GRIN3A: variants seen among roughly 807,000 people sequenced by gnomAD.
GRIN3A encodes glutamate receptor ionotropic, NMDA 3A.
Under a neutral mutation model 92.4 loss-of-function variants are expected in GRIN3A, and 47 were observed. That is an observed-to-expected ratio of 0.51 (90% CI 0.40 to 0.65). The LOEUF is 0.65. GRIN3A is among the 30% of genes least tolerant of loss of function. The pLI, the probability that GRIN3A is intolerant of heterozygous loss-of-function variation, is 0.00. For synonymous variants in GRIN3A, 527 were observed against 540.6 expected (o/e 0.97, Z 0.35); for missense variants, 1,324 against 1,393.1 (o/e 0.95, Z 0.79).
In GRIN3A at chr9:101,721,936, A is replaced by G. The variant is rs542330276; in HGVS notation, c.699+15345T>C. 3.3e-5 allele frequency among the ~76,000 whole-genome samples: 5 copies of G among 152,340 alleles called. No individual in the cohort carries two copies. In the East Asian group the frequency reaches 7.7e-4, roughly 24 times the overall value. ...GGAAAAGAAAAATCCATTTTTGGGGAGAAATCCAAGCTGGCTGCAGAAATT... is the reference window on the plus strand; with the variant it reads ...GGAAAAGAAAAATCCATTTTTGGGGGGAAATCCAAGCTGGCTGCAGAAATT... On this transcript the variant is annotated intron_variant, in intron 1 of 8. Transcript: ENST00000361820.
At chr9:101,717,241 T>C (rs188562091) in intron 1 of GRIN3A, among the ~76,000 whole-genome samples, 1,927 of 152,328 alleles carry the variant, frequency 0.013, 56 homozygotes, top group Admixed American at 0.062. Flanking sequence ...GATTTTTTTT[T>C]CCCAGGTGGT....
At chr9:101,577,919 T>G in intron 7 of GRIN3A, 75 bp from the exon 8 acceptor site, 1 of 1,043,652 alleles carries the variant, frequency 9.6e-7, no homozygotes, top group Admixed American at 1.7e-5. Context: ...CCACTTGAGA[T>G]GTAACAGTAT....
At chr9:101,649,933 TG>T (rs1828991859) in intron 3 of GRIN3A, among the ~76,000 whole-genome samples, 1 of 152,054 alleles carries the variant, frequency 6.6e-6, no homozygotes, top group Non-Finnish European at 1.5e-5. Flanking sequence ...CTAATATGGC[TG>T]AACCACCTGG....
intron 3 of GRIN3A, among the ~76,000 whole-genome samples, chr9:101,644,819 C>A (rs978886678): frequency 2.6e-5 from 4 of 151,590 alleles, no homozygotes; most frequent in Non-Finnish European, 5.9e-5. Context: ...TTCTCTATAC[C>A]CCCATTTTCT....
chr9:101,648,357 G>T (rs1412303597), intron 3 of GRIN3A, among the ~76,000 whole-genome samples: 1 of 151,886 alleles, frequency 6.6e-6, no homozygotes, highest in Non-Finnish European at 1.5e-5. Flanking sequence ...CTAAAATTTT[G>T]TTGACTTGTT....
chr9:101,663,132 A>C (rs1026540620), intron 3 of GRIN3A, among the ~76,000 whole-genome samples: 4 of 151,806 alleles, frequency 2.6e-5, no homozygotes, highest in Non-Finnish European at 5.9e-5. Flanking sequence ...CTGCAGCCCC[A>C]TCCCCCTAAA....
chr9:101,582,503 C>G (rs1164680232), intron 6 of GRIN3A, among the ~76,000 whole-genome samples: 1 of 152,114 alleles, frequency 6.6e-6, no homozygotes, highest in African/African-American at 2.4e-5. Flanking sequence ...ACGTTGGACC[C>G]CAAGGGCTTC....
chr9:101,606,933 T>C (rs184718614), intron 6 of GRIN3A, among the ~76,000 whole-genome samples: 6,970 of 123,872 alleles, frequency 0.056, 258 homozygotes, highest in East Asian at 0.086. Context: ...TTTTTTTTGC[T>C]GAGTCAAAAG....
At chr9:101,686,002 G>A (rs1052497489) in intron 2 of GRIN3A, among the ~76,000 whole-genome samples, 1 of 151,932 alleles carries the variant, frequency 6.6e-6, no homozygotes, top group African/African-American at 2.4e-5. Flanking sequence ...AAGTTCAGAC[G>A]GTCTGAACTT....
intron 3 of GRIN3A, among the ~76,000 whole-genome samples, chr9:101,658,425 A>C (rs2118928250): frequency 6.6e-6 from 1 of 152,044 alleles, no homozygotes; most frequent in Non-Finnish European, 1.5e-5. Flanking sequence ...TAAAACACAA[A>C]CCATAGGAGA....
chr9:101,726,634 A>C (rs1830084743), intron 1 of GRIN3A, among the ~76,000 whole-genome samples: 1 of 152,156 alleles, frequency 6.6e-6, no homozygotes, highest in East Asian at 1.9e-4. Flanking sequence ...CCAATATAGA[A>C]GTCACTACCC....
chr9:101,670,998 G>T lies in GRIN3A; in HGVS notation c.1414C>A (p.Pro472Thr), dbSNP rs1275440611. 1 of 1,613,798 alleles carries T rather than the reference G, an allele frequency of 6.2e-7. No individual in the cohort carries two copies. Among genetic ancestry groups the T allele is most frequent in the Non-Finnish European group, 8.5e-7 (1 of 1,179,888 alleles). Residue 472 changes from proline to threonine, a missense_variant, in exon 3 of 9, where the codon CCC (proline) becomes ACC (threonine). By Grantham distance (38) the Pro-to-Thr change is conservative. Transcript: ENST00000361820. ...NFFIWNLQHD[P>T]MGKPMWTRLG... ...CGGGTCCACATTGGCTTTCCCATGG[G>T]GTCATGTTGAAGATTCCAGATGAAA...
At chr9:101,637,852 T>C (rs963186947) in intron 3 of GRIN3A, among the ~76,000 whole-genome samples, 2 of 152,146 alleles carry the variant, frequency 1.3e-5, no homozygotes, top group African/African-American at 4.8e-5. Context: ...TTTAGGCCCA[T>C]AATAAGTGTG....
intron 1 of GRIN3A, among the ~76,000 whole-genome samples, chr9:101,691,468 G>A (rs552601677): frequency 3.9e-5 from 6 of 152,236 alleles, no homozygotes; most frequent in East Asian, 3.9e-4. Flanking sequence ...CTATACAAGC[G>A]TTCTTTAATT....
At chr9:101,665,595 A>C (rs1829227426) in intron 3 of GRIN3A, among the ~76,000 whole-genome samples, 1 of 151,964 alleles carries the variant, frequency 6.6e-6, no homozygotes, top group South Asian at 2.1e-4. Flanking sequence ...TGGTGGAAGA[A>C]TCTTTAGAGT....
At chr9:101,597,471 C>T (rs1315967626) in intron 6 of GRIN3A, among the ~76,000 whole-genome samples, 1 of 152,318 alleles carries the variant, frequency 6.6e-6, no homozygotes, top group African/African-American at 2.4e-5. Flanking sequence ...ATTTTGAACT[C>T]CCTTCAGTTT....
At chr9:101,666,967 A>G (rs922873398) in intron 3 of GRIN3A, among the ~76,000 whole-genome samples, 3 of 152,016 alleles carry the variant, frequency 2.0e-5, no homozygotes, top group Non-Finnish European at 2.9e-5. Context: ...GGATACCACT[A>G]TACTGTGCTA....
intron 7 of GRIN3A, 54 bp downstream of exon 7, chr9:101,579,142 C>A: frequency 6.3e-7 from 1 of 1,582,626 alleles, no homozygotes; most frequent in Non-Finnish European, 8.7e-7. Flanking sequence ...ATCCTCCCAT[C>A]CCTAGGAATT....
chr9:101,603,873 T>G (rs1828241191), intron 6 of GRIN3A, among the ~76,000 whole-genome samples: 1 of 152,260 alleles, frequency 6.6e-6, no homozygotes, highest in Admixed American at 6.5e-5. Flanking sequence ...GGAGGCTTCT[T>G]CCGCTACAGG....
Sources: gnomAD v4.1 joint callset for allele counts (sites outside exome capture counted in the v4.1 genomes callset) on GRCh38, gnomAD v4.1.1 for gene constraint, MANE v1.5 for transcripts, NCBI Gene and HGNC (gene_info 2026-07-23, HGNC 2026-07-21) for gene names.